RGS7: variants seen among roughly 807,000 people sequenced by gnomAD.
RGS7 encodes regulator of G protein signaling 7, also known as regulator of G-protein signaling 7.
A neutral mutation model predicts 81.1 loss-of-function variants in RGS7; 27 were observed. The ratio of observed to expected loss-of-function variants is 0.33; its 90% CI spans 0.25 to 0.46. The LOEUF is 0.46. Ranked by LOEUF, RGS7 falls within the 20% of genes least tolerant of loss-of-function variation. The pLI is 1.00. For synonymous variants in RGS7, 208 were observed against 207.7 expected, an observed-to-expected ratio of 1.00 and a Z score of -0.01; for missense variants, 396 against 607.4, an observed-to-expected ratio of 0.65 and a Z score of 3.66.
At position 241,327,150 on chromosome 1, in the gene RGS7, A is replaced by AGAAGG. The variant is rs1558321967; in HGVS notation, c.78+28548_78+28549insCCTTC. Among the ~76,000 whole-genome samples, 11 of 100,382 alleles carry AGAAGG rather than the reference A, an allele frequency of 1.1e-4. 1 individual carries two copies. The highest frequency in any genetic ancestry group is 2.6e-4 in the Non-Finnish European group (10 of 38,714). The allele number at this position is 100,382 out of a possible 152,430, so 65.9% of individuals were successfully genotyped here. On this transcript the variant is annotated intron_variant, in intron 2 of 18. Coordinates refer to ENST00000440928, the MANE Select transcript of RGS7 (RefSeq NM_001364886.1). ...AGAAAGAAAGAAAGAAAGAAAGGAA[A>AGAAGG]GAAAGAAAGAAAGAAACACACAGAC...
intron 10 of RGS7, among the ~76,000 whole-genome samples, chr1:240,819,257 G>T (rs560981717): frequency 6.6e-6 from 1 of 152,112 alleles, no homozygotes; most frequent in South Asian, 2.1e-4. Context: ...TATAAACAGT[G>T]CTTATAAAAA....
chr1:241,067,343 A>G (rs1197270829), intron 3 of RGS7, among the ~76,000 whole-genome samples: 5 of 152,058 alleles, frequency 3.3e-5, no homozygotes, highest in Non-Finnish European at 7.4e-5. Context: ...GACATTTAGT[A>G]GGCTCTGTAT....
rs557452946 is a variant in RGS7 at position 241,335,479 on chromosome 1, C to A, written c.78+20220G>T. 2.6e-4 allele frequency among the ~76,000 whole-genome samples: 39 copies of A among 152,296 alleles called. No individual in the cohort carries two copies. The South Asian group carries it at 7.0e-3, about 28-fold the overall frequency. ...ACTTTTCTCTGGGTTTGAGGAACTACTTATTCATAAAATATTAGTCAACCA... is the reference window on the plus strand; with the variant it reads ...ACTTTTCTCTGGGTTTGAGGAACTAATTATTCATAAAATATTAGTCAACCA... On this transcript the variant is annotated intron_variant, in intron 2 of 18. Coordinates refer to ENST00000440928, the MANE Select transcript of RGS7 (RefSeq NM_001364886.1).
At chr1:241,105,605 C>T (rs1640784897) in intron 2 of RGS7, among the ~76,000 whole-genome samples, 1 of 152,162 alleles carries the variant, frequency 6.6e-6, no homozygotes, top group Admixed American at 6.5e-5. Context: ...CTTTCCAGTT[C>T]TCTAATGTTC....
chr1:241,247,303 T>C (rs2076596049), intron 2 of RGS7, among the ~76,000 whole-genome samples: 1 of 152,240 alleles, frequency 6.6e-6, no homozygotes, highest in African/African-American at 2.4e-5. Flanking sequence ...TTACACATTG[T>C]GAATTACAAT....
intron 13 of RGS7, among the ~76,000 whole-genome samples, chr1:240,813,246 G>A (rs1366776055): frequency 1.3e-5 from 2 of 152,154 alleles, no homozygotes; most frequent in African/African-American, 4.8e-5. Flanking sequence ...CTTGTGTTGG[G>A]CTTAAGTATG....
chr1:240,876,110 G>T (rs1665367312), intron 6 of RGS7, among the ~76,000 whole-genome samples: 1 of 152,196 alleles, frequency 6.6e-6, no homozygotes, highest in Non-Finnish European at 1.5e-5. Context: ...ATAGAAGGCT[G>T]CAGAACAGAG....
chr1:241,288,608 C>T (rs2078939971), intron 2 of RGS7, among the ~76,000 whole-genome samples: 1 of 152,164 alleles, frequency 6.6e-6, no homozygotes, highest in South Asian at 2.1e-4. Context: ...GAAAAAGGTG[C>T]TTTGCTGCAG....
At chr1:241,244,335 C>G (rs528372515) in intron 2 of RGS7, among the ~76,000 whole-genome samples, 20 of 152,242 alleles carry the variant, frequency 1.3e-4, no homozygotes, top group Middle Eastern at 6.8e-3. Context: ...GACATTTATG[C>G]AGCCAAAAGA....
chr1:241,012,660 C>T (rs1242706930), intron 3 of RGS7, among the ~76,000 whole-genome samples: 1 of 152,180 alleles, frequency 6.6e-6, no homozygotes, highest in African/African-American at 2.4e-5. Flanking sequence ...TTCCGAAAGG[C>T]TGCAGACAGA....
intron 2 of RGS7, among the ~76,000 whole-genome samples, chr1:241,340,949 G>A (rs1349935600): frequency 4.0e-5 from 6 of 151,774 alleles, no homozygotes; most frequent in African/African-American, 7.3e-5. Flanking sequence ...CCTCTTACAG[G>A]ATGGGACTGC....
In RGS7 at chr1:241,127,546, G is replaced by A. The variant is rs573798595; in HGVS notation, c.79-28784C>T. Among the ~76,000 whole-genome samples the A allele has an allele frequency of 1.4e-3, 217 of 152,202 alleles. 2 individuals are homozygous for A. Among genetic ancestry groups the A allele is most frequent in the African/African-American group, 4.6e-3 (189 of 41,518 alleles). ...ATCACACACCGGGGACTGTTGTGGC[G>A]TGGGGGGAGCGGGGAGGGATAGCGT... On this transcript the variant is annotated intron_variant, in intron 2 of 18. Coordinates refer to ENST00000440928, the MANE Select transcript of RGS7 (RefSeq NM_001364886.1).
At chr1:240,790,036 C>T (rs1185554316) in intron 18 of RGS7, among the ~76,000 whole-genome samples, 1 of 152,174 alleles carries the variant, frequency 6.6e-6, no homozygotes, top group East Asian at 1.9e-4. Flanking sequence ...CTCAGACCAG[C>T]TGACACTTAG....
chr1:240,822,504 A>T (rs1450647480), intron 10 of RGS7, among the ~76,000 whole-genome samples: 1 of 152,170 alleles, frequency 6.6e-6, no homozygotes, highest in Non-Finnish European at 1.5e-5. Flanking sequence ...CAAAAATACA[A>T]AGTCTGGGTT....
At chr1:241,133,758 CAACA>C (rs2067289730) in intron 2 of RGS7, among the ~76,000 whole-genome samples, 1 of 152,116 alleles carries the variant, frequency 6.6e-6, no homozygotes, top group Non-Finnish European at 1.5e-5. Context: ...CTTACAGAAA[CAACA>C]AACAAACAAA....
At chr1:240,957,600 A>G (rs1680654534) in intron 4 of RGS7, among the ~76,000 whole-genome samples, 1 of 152,242 alleles carries the variant, frequency 6.6e-6, no homozygotes, top group African/African-American at 2.4e-5. Context: ...TGGGACAGGA[A>G]AAATAAAGGA....
At chr1:241,150,875 T>TCG (rs59054969) in intron 2 of RGS7, among the ~76,000 whole-genome samples, 1 of 151,946 alleles carries the variant, frequency 6.6e-6, no homozygotes, top group African/African-American at 2.4e-5. Context: ...GGTGTAGCTC[T>TCG]GTCTGAGGCC....
chr1:240,977,444 A>C (rs949967338), intron 4 of RGS7, among the ~76,000 whole-genome samples: 1 of 152,242 alleles, frequency 6.6e-6, no homozygotes, highest in South Asian at 2.1e-4. Context: ...GTAAATACAT[A>C]TCTTTTAGAT....
intron 2 of RGS7, among the ~76,000 whole-genome samples, chr1:241,187,632 A>T (rs1281552082): frequency 6.6e-6 from 1 of 152,200 alleles, no homozygotes; most frequent in Non-Finnish European, 1.5e-5. Context: ...TGGAATGCCA[A>T]AGTTCTCATC....
Sources: gnomAD v4.1 joint callset for allele counts (sites outside exome capture counted in the v4.1 genomes callset) on GRCh38, gnomAD v4.1.1 for gene constraint, MANE v1.5 for transcripts, NCBI Gene and HGNC (gene_info 2026-07-23, HGNC 2026-07-21) for gene names.